Variants in CPNE8 observed in about 807,000 individuals in gnomAD.
The protein encoded by CPNE8 is copine 8, also known as copine-8.
CPNE8 carries 45 observed loss-of-function variants against 81.5 expected under a neutral mutation model. That is an observed-to-expected ratio of 0.55 (90% CI 0.44 to 0.71). The LOEUF (loss-of-function observed/expected upper bound fraction) is 0.71, where lower values mean the gene tolerates loss of function less well. Among genes scored for constraint, CPNE8 ranks in the 30% least tolerant of loss-of-function variants. The probability of loss-of-function intolerance (pLI) is 0.00; values close to 1 mark genes in which losing one functional copy is unlikely to be tolerated. For synonymous variants in CPNE8, 252 were observed against 226.3 expected, an observed-to-expected ratio of 1.11 and a Z score of -1.02; for missense variants, 594 against 672.1, an observed-to-expected ratio of 0.88 and a Z score of 1.28.
At chr12:38,815,366 T>C (rs771932208) in intron 6 of CPNE8, among the ~76,000 whole-genome samples, 1 of 152,242 alleles carries the variant, frequency 6.6e-6, no homozygotes, top group Non-Finnish European at 1.5e-5. Flanking sequence ...GTAGATATCA[T>C]ATTAAATATT....
At position 38,902,431 on chromosome 12, in the gene CPNE8, A is replaced by AAGAAAGAAAG. The variant is rs1555172199; in HGVS notation, c.98+3005_98+3006insCTTTCTTTCT. Among the ~76,000 whole-genome samples, 51 of 139,380 alleles carry AAGAAAGAAAG rather than the reference A, an allele frequency of 3.7e-4. 5 individuals carry two copies. The highest frequency in any genetic ancestry group is 1.7e-3 in the African/African-American group (50 of 30,066). The allele number at this position is 139,380 out of a possible 152,430, so 91.4% of individuals were successfully genotyped here. ...AGAAAGAAAGAAAAAGAAAGAAAGA[A>AAGAAAGAAAG]AGAAAGGAGAGAGAGAAAGAAAGAT... On this transcript the variant is annotated intron_variant, in intron 1 of 19. Transcript: ENST00000331366.
chr12:38,873,429 A>G (rs531760098), intron 2 of CPNE8, among the ~76,000 whole-genome samples: 1 of 152,344 alleles, frequency 6.6e-6, no homozygotes, highest in East Asian at 1.9e-4. Context: ...AAGGTATAAT[A>G]GGAACGAAAA....
intron 6 of CPNE8, among the ~76,000 whole-genome samples, chr12:38,799,034 C>T (rs554039971): frequency 2.7e-4 from 41 of 152,234 alleles, no homozygotes; most frequent in Admixed American, 7.2e-4. Context: ...TACAGGAGCA[C>T]CCAGATTCAT....
chr12:38,799,972 G>A lies in CPNE8; in HGVS notation c.408-23671C>T, dbSNP rs1450638053. Among the ~76,000 whole-genome samples the A allele has an allele frequency of 2.7e-5, 4 of 148,196 alleles. No homozygotes were observed. In the South Asian group the frequency reaches 6.7e-4, roughly 25 times the overall value. On this transcript the variant is annotated intron_variant, in intron 6 of 19. Coordinates refer to ENST00000331366, the MANE Select transcript of CPNE8 (RefSeq NM_153634.3). ...ACCGGCTTAAGAAACGGCGCACCAC[G>A]AGACTGTATCCCACACCTGGCTCAG...
At chr12:38,770,391 C>T (rs566191478) in intron 7 of CPNE8, among the ~76,000 whole-genome samples, 197 of 152,280 alleles carry the variant, frequency 1.3e-3, no homozygotes, top group Non-Finnish European at 1.2e-3. Context: ...GGCTCTGCTG[C>T]CACCACCTCA....
intron 6 of CPNE8, among the ~76,000 whole-genome samples, chr12:38,813,296 G>T (rs142673981): frequency 2.0e-5 from 3 of 152,270 alleles, no homozygotes; most frequent in African/African-American, 7.2e-5. Flanking sequence ...ATCTAAATAA[G>T]AAGGGTTGCT....
chr12:38,717,595 G>A (rs1252559382), intron 13 of CPNE8, among the ~76,000 whole-genome samples: 2 of 151,254 alleles, frequency 1.3e-5, no homozygotes, highest in African/African-American at 2.4e-5. Context: ...TCACTTATAC[G>A]CAGAAGGTAA....
At chr12:38,806,961 A>G (rs933919068) in intron 6 of CPNE8, among the ~76,000 whole-genome samples, 9 of 150,388 alleles carry the variant, frequency 6.0e-5, no homozygotes, top group African/African-American at 2.2e-4. Flanking sequence ...CCAACAACAG[A>G]CAAACAGAGA....
At chr12:38,821,575 T>C (rs1209942593) in intron 6 of CPNE8, among the ~76,000 whole-genome samples, 1 of 152,218 alleles carries the variant, frequency 6.6e-6, no homozygotes, top group Non-Finnish European at 1.5e-5. Context: ...CCAATCATTC[T>C]GAGGCTTGTC....
chr12:38,759,773 A>ACTT, intron 10 of CPNE8, among the ~76,000 whole-genome samples: 2 of 152,284 alleles, frequency 1.3e-5, no homozygotes, highest in Middle Eastern at 3.4e-3. Flanking sequence ...ATTCCAGGAC[A>ACTT]CTTATTGCAC....
upstream of CPNE8, chr12:38,906,245 G>A (rs1029074942): frequency 3.0e-6 from 3 of 985,398 alleles, no homozygotes; most frequent in African/African-American, 1.7e-5. Context: ...GGCCACTTGA[G>A]AGTTGGGGAC....
chr12:38,767,504 A>G (rs1393643305), intron 8 of CPNE8, 131 bp downstream of exon 8: 1 of 546,060 alleles, frequency 1.8e-6, no homozygotes, highest in Non-Finnish European at 3.1e-6. Context: ...AGATGCAAAA[A>G]TCATATCAAT....
In CPNE8 at chr12:38,873,029, C is replaced by T. The variant is rs369822693; in HGVS notation, c.161G>A (p.Gly54Glu). Residue 54 changes from glycine to glutamate, a missense_variant, in exon 3 of 20, where the codon GGA (glycine) becomes GAA (glutamate). Coordinates refer to ENST00000331366, the MANE Select transcript of CPNE8 (RefSeq NM_153634.3). ...CTCTCTCCATTCTTTATTTCCAACT[C>T]CTTGTACATATAAGACACAAACTAC... ...SDPICVLYVQ[G>E]VGNKEWREFG... is the part of the protein sequence containing the mutation. The T allele has an allele frequency of 1.3e-6, 2 of 1,555,614 alleles. No individual in the cohort carries two copies. Among genetic ancestry groups the T allele is most frequent in the Non-Finnish European group, 8.8e-7 (1 of 1,132,552 alleles).
intron 4 of CPNE8, among the ~76,000 whole-genome samples, chr12:38,840,209 T>C (rs1943445760): frequency 6.6e-6 from 1 of 152,186 alleles, no homozygotes; most frequent in Admixed American, 6.5e-5. Flanking sequence ...AATTCTACTT[T>C]TTGATAAGTT....
At chr12:38,859,635 A>G (rs989664536) in intron 3 of CPNE8, among the ~76,000 whole-genome samples, 1 of 152,200 alleles carries the variant, frequency 6.6e-6, no homozygotes, top group Admixed American at 6.5e-5. Flanking sequence ...TTGAAAAAGA[A>G]CAAAGCTCCA....
chr12:38,886,366 G>A (rs1051904125), intron 1 of CPNE8, among the ~76,000 whole-genome samples: 1 of 152,192 alleles, frequency 6.6e-6, no homozygotes, highest in African/African-American at 2.4e-5. Flanking sequence ...AAAGTGCTTA[G>A]AGCAAACCCA....
chr12:38,737,558 T>C (rs554471821), intron 10 of CPNE8, among the ~76,000 whole-genome samples: 1 of 152,306 alleles, frequency 6.6e-6, no homozygotes, highest in South Asian at 2.1e-4. Flanking sequence ...TTTTACTTTT[T>C]TCACTCAAAT....
chr12:38,900,447 C>T (rs1944444946), intron 1 of CPNE8, among the ~76,000 whole-genome samples: 2 of 152,130 alleles, frequency 1.3e-5, no homozygotes, highest in Non-Finnish European at 2.9e-5. Context: ...ATATTCTGTG[C>T]CAAGCTCAGA....
At chr12:38,898,441 G>A (rs1279607828) in intron 1 of CPNE8, among the ~76,000 whole-genome samples, 1 of 152,012 alleles carries the variant, frequency 6.6e-6, no homozygotes, top group East Asian at 1.9e-4. Context: ...GGCACTACAG[G>A]GTGACTACAA....
Sources: allele counts gnomAD v4.1 joint callset (sites outside exome capture counted in the v4.1 genomes callset), GRCh38; gene constraint gnomAD v4.1.1; transcripts MANE v1.5; gene names NCBI Gene and HGNC (gene_info 2026-07-23, HGNC 2026-07-21).